The following PCDHA13 variants were observed in gnomAD, a reference collection of about 807,000 sequenced individuals.
The protein encoded by PCDHA13 is protocadherin alpha-13.
Under a neutral mutation model 64.8 loss-of-function variants are expected in PCDHA13, and 54 were observed. The ratio of observed to expected loss-of-function variants is 0.83; its 90% CI spans 0.67 to 1.04. The LOEUF (loss-of-function observed/expected upper bound fraction) is 1.04. PCDHA13 is among the 50% of genes least tolerant of loss of function. The pLI, the probability that PCDHA13 is intolerant of heterozygous loss-of-function variation, is 0.00. For synonymous variants in PCDHA13, 587 were observed against 564.4 expected (o/e 1.04, Z -0.57); for missense variants, 1,248 against 1,254.3 (o/e 0.99, Z 0.08).
intron 1 of PCDHA13, among the ~76,000 whole-genome samples, chr5:140,961,630 C>A (rs1387087976): frequency 1.3e-5 from 2 of 152,136 alleles, no homozygotes; most frequent in Non-Finnish European, 2.9e-5. Context: ...ATATGAAAAA[C>A]AATCTTAAGT....
chr5:140,893,866 C>T (rs915926825), intron 1 of PCDHA13, among the ~76,000 whole-genome samples: 5 of 152,102 alleles, frequency 3.3e-5, no homozygotes, highest in African/African-American at 1.2e-4. Context: ...TAGAAACAAC[C>T]CAGATCCAAA....
intron 3 of PCDHA13, among the ~76,000 whole-genome samples, chr5:140,984,683 T>A (rs1481664684): frequency 6.6e-6 from 1 of 152,200 alleles, no homozygotes; most frequent in East Asian, 1.9e-4. Flanking sequence ...GGACTCAATA[T>A]ATGTTCTGCA....
rs1554181819 is a variant in PCDHA13, at chr5:140,884,671, A to G, written c.2394+9A>G. On this transcript the variant is annotated intron_variant, in intron 1 of 3. Coordinates refer to ENST00000289272, the MANE Select transcript of PCDHA13 (RefSeq NM_018904.3). ...CAGAATGCTTGAAAGAGGTAAGCTT[A>G]TATTTTAAAAAATTGTCTTAGTAAA... The G allele has an allele frequency of 1.3e-6, 2 of 1,562,846 alleles. No individual in the cohort carries two copies. The highest frequency in any genetic ancestry group is 2.7e-5 in the African/African-American group (2 of 72,978).
chr5:140,889,509 C>T (rs2062255316), intron 1 of PCDHA13, among the ~76,000 whole-genome samples: 2 of 152,026 alleles, frequency 1.3e-5, no homozygotes, highest in Admixed American at 6.6e-5. Flanking sequence ...ATTTCCCTTT[C>T]CATTCTTGAT....
intron 3 of PCDHA13, among the ~76,000 whole-genome samples, chr5:140,999,429 A>G (rs1554256798): frequency 6.6e-6 from 1 of 152,190 alleles, no homozygotes. Flanking sequence ...GAGGCCAAGT[A>G]CCTTGCCTCT....
At chr5:140,943,501 T>C (rs1235998322) in intron 1 of PCDHA13, among the ~76,000 whole-genome samples, 1 of 152,088 alleles carries the variant, frequency 6.6e-6, no homozygotes, top group Non-Finnish European at 1.5e-5. Flanking sequence ...GCTATCAAGG[T>C]TCATGGAAAT....
At chr5:140,966,528 G>T (rs567098369) in intron 1 of PCDHA13, 235 of 446,634 alleles carry the variant, frequency 5.3e-4, no homozygotes, top group Non-Finnish European at 7.8e-4. Context: ...AGCCGAGCCG[G>T]GTTGAGCGAC....
chr5:140,882,813 C>T lies in PCDHA13; in HGVS notation c.545C>T (p.Ala182Val), dbSNP rs782169035. Residue 182 changes from alanine (A) to valine (V), a missense_variant, in exon 1 of 4, where the codon GCA becomes GTA. By Grantham distance (64) the Ala-to-Val change is moderately conservative (BLOSUM62 0). Transcript: ENST00000289272. ...CCCAACGATTATTTCACTTTGGACG[C>T]ACAAAACAGTCTTGAGCAAATGTCT... ...LDPNDYFTLD[A>V]QNSLEQMSSL... 4 of 1,614,176 alleles carry T rather than the reference C, an allele frequency of 2.5e-6. No individual in the cohort carries two copies. The East Asian group carries it at 6.7e-5, about 27-fold the overall frequency.
At position 140,993,501 on chromosome 5, in the gene PCDHA13, C is replaced by CACACAT. The variant is rs1554253793; in HGVS notation, c.2542+10943_2542+10944insTACACA. Reference sequence around the variant, plus strand: ...ACACACACACACACACACACACACACACACACACGGGGAGAGAGAGACAGA... The same window carrying CACACAT: ...ACACACACACACACACACACACACACACACATACACACACGGGGAGAGAGAGACAGA... On this transcript the variant is annotated intron_variant, in intron 3 of 3. Coordinates refer to ENST00000289272, the MANE Select transcript of PCDHA13 (RefSeq NM_018904.3). Among the ~76,000 whole-genome samples the CACACAT allele has an allele frequency of 3.4e-5, 5 of 148,992 alleles. No homozygotes were observed. The East Asian group carries it at 7.8e-4, about 23-fold the overall frequency.
rs2098421123 is a variant in PCDHA13, at chr5:141,011,585, A to G, written c.*1648A>G. 6.5e-6 allele frequency: 1 copy of G among 153,746 alleles called. No individual in the cohort carries two copies. The highest frequency in any genetic ancestry group is 1.5e-5 in the Non-Finnish European group (1 of 68,036). 9.5% of individuals were successfully genotyped at this position (153,746 alleles called of 1,614,324 possible). ...TAAAATTTCTTTCTTAAATCAAGAT[A>G]CTGGTGATTCAAGGAATTTTATTTA... On this transcript the variant is annotated 3_prime_UTR_variant, in exon 4 of 4. Coordinates refer to ENST00000289272, the MANE Select transcript of PCDHA13 (RefSeq NM_018904.3).
rs2098421681 is a variant in PCDHA13, at chr5:141,011,735, A to C, written c.*1798A>C. 1 of 153,882 alleles carries C rather than the reference A, an allele frequency of 6.5e-6. No individual in the cohort carries two copies. Among genetic ancestry groups the C allele is most frequent in the South Asian group, 2.1e-4 (1 of 4,828 alleles). 9.5% of individuals were successfully genotyped at this position (153,882 alleles called of 1,614,324 possible). A position where few individuals can be genotyped will look rare whatever the true frequency, so the allele number is the denominator to read the frequency against. ...TATTCCATGAGGGTGTGCAAGCACA[A>C]ATTTTACCAATCTGACCTCTTTGAA... On this transcript the variant is annotated 3_prime_UTR_variant, in exon 4 of 4. Transcript: ENST00000289272.
At chr5:140,964,961 G>A (rs552220130) in intron 1 of PCDHA13, among the ~76,000 whole-genome samples, 1 of 152,320 alleles carries the variant, frequency 6.6e-6, no homozygotes, top group Non-Finnish European at 1.5e-5. Context: ...TTGGTTGGTG[G>A]AACGAAGGGA....
chr5:140,926,358 A>C (rs1157995876), intron 1 of PCDHA13: 1 of 152,230 alleles, frequency 6.6e-6, no homozygotes, highest in Non-Finnish European at 1.5e-5. Context: ...CGGCTCCCAA[A>C]GGGCGGCAGG....
chr5:140,981,917 A>G (rs1465971302), intron 2 of PCDHA13, among the ~76,000 whole-genome samples: 1 of 152,218 alleles, frequency 6.6e-6, no homozygotes, highest in Non-Finnish European at 1.5e-5. Flanking sequence ...GTGGTGATCA[A>G]GTTTCTCTAG....
At chr5:141,005,442 G>A (rs529691807) in intron 3 of PCDHA13, among the ~76,000 whole-genome samples, 39 of 152,092 alleles carry the variant, frequency 2.6e-4, no homozygotes, top group Middle Eastern at 3.4e-3. Context: ...AGAGGCTCAC[G>A]CCTGTAATCC....
At chr5:140,937,705 G>T (rs892429555) in intron 1 of PCDHA13, among the ~76,000 whole-genome samples, 2 of 151,928 alleles carry the variant, frequency 1.3e-5, no homozygotes, top group Admixed American at 6.6e-5. Context: ...GAGGTCAGGA[G>T]ATCAAGACCA....
chr5:140,962,870 T>C (rs558640798), intron 1 of PCDHA13, among the ~76,000 whole-genome samples: 1 of 152,306 alleles, frequency 6.6e-6, no homozygotes, highest in Admixed American at 6.5e-5. Context: ...TAGAGCAACA[T>C]AAATACATGA....
intron 1 of PCDHA13, among the ~76,000 whole-genome samples, chr5:140,972,920 C>T (rs1343772789): frequency 6.6e-6 from 1 of 152,048 alleles, no homozygotes; most frequent in East Asian, 1.9e-4. Context: ...CCTTGGCCTC[C>T]CAAAGTGCTG....
intron 1 of PCDHA13, among the ~76,000 whole-genome samples, chr5:140,973,451 G>A (rs1317548382): frequency 2.0e-5 from 3 of 152,172 alleles, no homozygotes; most frequent in African/African-American, 7.2e-5. Context: ...TATAATGACT[G>A]GGGCTGTTTT....
Sources: gnomAD v4.1 joint callset for allele counts (sites outside exome capture counted in the v4.1 genomes callset) on GRCh38, gnomAD v4.1.1 for gene constraint, MANE v1.5 for transcripts, NCBI Gene and HGNC (gene_info 2026-07-23, HGNC 2026-07-21) for gene names.